Variants in KDR observed in about 807,000 individuals in gnomAD.
The protein encoded by KDR is vascular endothelial growth factor receptor 2.
In KDR, 43 loss-of-function variants were observed where a neutral mutation model predicts 160.9. The ratio of observed to expected loss-of-function variants is 0.27; its 90% confidence interval spans 0.21 to 0.34. The LOEUF (loss-of-function observed/expected upper bound fraction) is 0.34. Ranked by LOEUF, KDR falls within the 10% of genes least tolerant of loss-of-function variation. The pLI, the probability that KDR is intolerant of heterozygous loss-of-function variation, is 1.00. For missense variants in KDR, 1,469 were observed against 1,666.4 expected (o/e 0.88, Z 2.06); for synonymous variants, 617 against 600.1 (o/e 1.03, Z -0.41).
rs1189905303 is a variant in KDR at position 55,107,804 on chromosome 4, C to T, written c.1345G>A (p.Ala449Thr). 6.2e-7 allele frequency: 1 copy of T among 1,613,926 alleles called. No homozygotes were observed. Among genetic ancestry groups the T allele is most frequent in the East Asian group, 2.2e-5 (1 of 44,866 alleles). The stretch of plus-strand genomic sequence containing the variant: ...TGGATGTGATGCGGGGGAGGAATGG[C>T]ATAGACCGTACATGTCAGCGTTTGA... ...TTQTLTCTVY[A>T]IPPPHHIHWY... The change falls in exon 10 of 30, where the codon GCC becomes ACC. Residue 449 changes from alanine to threonine, a missense_variant. By Grantham distance (58) the Ala-to-Thr change is moderately conservative (BLOSUM62 0). This residue lies in a region of KDR where 792 missense variants were observed against 840.9 expected (regional missense o/e 0.94). Coordinates refer to ENST00000263923, the MANE Select transcript of KDR (RefSeq NM_002253.4).
chr4:55,085,721 A>G (rs1038621130), intron 27 of KDR, among the ~76,000 whole-genome samples: 2 of 152,262 alleles, frequency 1.3e-5, no homozygotes, highest in African/African-American at 4.8e-5. Context: ...ATGGCTGGAT[A>G]AAAGAGAAAC....
intron 10 of KDR, among the ~76,000 whole-genome samples, 166 bp from the exon 11 acceptor site, chr4:55,106,976 TG>T (rs1471254236): frequency 1.3e-5 from 2 of 152,138 alleles, no homozygotes; most frequent in Non-Finnish European, 2.9e-5. Flanking sequence ...GCATTGACAA[TG>T]AAGGAAAAGG....
rs1720862949 is a variant in KDR at position 55,121,116 on chromosome 4, T to C, written c.142A>G (p.Thr48Ala). 6.2e-7 allele frequency: 1 copy of C among 1,612,110 alleles called. No homozygotes were observed. Among genetic ancestry groups the C allele is most frequent in the South Asian group, 1.1e-5 (1 of 90,982 alleles). ...KDILTIKANT[T>A]LQITCRGQRD... ...CCTTACCTGCAAGTAATTTGAAGAG[T>C]TGTATTAGCCTTAATTGTAAGTATG... is the stretch of plus-strand genomic sequence containing the variant. Residue 48 changes from threonine to alanine, a missense_variant, in exon 2 of 30, where the codon ACT (threonine) becomes GCT (alanine). Physicochemically the swap from Thr to Ala is moderately conservative, Grantham distance 58 (BLOSUM62 0). Transcript: ENST00000263923.
chr4:55,107,822 G>C lies in KDR; in HGVS notation c.1327C>G (p.Leu443Val), dbSNP rs773497898. Reference sequence around the variant, plus strand: ...GGAATGGCATAGACCGTACATGTCAGCGTTTGAGTGGTGCCGTACTGGTAG... The same window carrying C: ...GGAATGGCATAGACCGTACATGTCACCGTTTGAGTGGTGCCGTACTGGTAG... ...DSYQYGTTQT[L>V]TCTVYAIPPP... is the part of the protein sequence containing the mutation. Residue 443 changes from leucine (L) to valine (V), a missense_variant, in exon 10 of 30, where the codon CTG becomes GTG. This residue lies in a region of KDR where 792 missense variants were observed against 840.9 expected (regional missense o/e 0.94). Coordinates refer to ENST00000263923, the MANE Select transcript of KDR (RefSeq NM_002253.4). 1 of 1,613,932 alleles carries C rather than the reference G, an allele frequency of 6.2e-7. No homozygotes were observed.
Position 55,098,803 on chromosome 4 carries a change from C to A in KDR, c.2267G>T (p.Gly756Val), listed in dbSNP as rs1354404230. Residue 756 changes from glycine (G) to valine (V), a missense_variant and splice_region_variant, in exon 16 of 30, where the codon GGT (glycine) becomes GTT (valine). Transcript: ENST00000263923. ...TTCCAAGTTCGTCTTTTCCTGGGCA[C>A]CTGGAAAGACACAATTGAATGAGTA... ...AKVEAFFIIEGAQEKTNLEII... is the reference protein window; with the variant it reads ...AKVEAFFIIEVAQEKTNLEII... 1 of 1,604,612 alleles carries A rather than the reference C, an allele frequency of 6.2e-7. No individual in the cohort carries two copies.
chr4:55,096,818 G>C (rs533239528), intron 18 of KDR: 1 of 202,234 alleles, frequency 4.9e-6, no homozygotes, highest in Non-Finnish European at 1.0e-5. Context: ...CAGCTGGAAA[G>C]ACCAGTTGGC....
chr4:55,106,573 C>G (rs944852953), intron 11 of KDR, 114 bp downstream of exon 11: 9 of 832,902 alleles, frequency 1.1e-5, no homozygotes, highest in Non-Finnish European at 1.8e-5. Flanking sequence ...TTAATACGCT[C>G]TATTTAATCA....
Position 55,114,274 on chromosome 4 carries a change from A to G in KDR, c.659-9T>C. 1.2e-6 allele frequency: 2 copies of G among 1,613,452 alleles called. No homozygotes were observed. Among genetic ancestry groups the G allele is most frequent in the Non-Finnish European group, 1.7e-6 (2 of 1,179,604 alleles). ...ATCATAAATCCTATACCCTAGAGCA[A>G]GTAAATTGAAAAAACAGAACATGAG... On this transcript the variant is annotated splice_polypyrimidine_tract_variant and intron_variant, in intron 5 of 29. Transcript: ENST00000263923.
At chr4:55,111,211 T>A (rs1348632908) in intron 7 of KDR, among the ~76,000 whole-genome samples, 1 of 152,174 alleles carries the variant, frequency 6.6e-6, no homozygotes, top group Non-Finnish European at 1.5e-5. Flanking sequence ...ATCATTCACG[T>A]ACCTCCTAAA....
intron 11 of KDR, 118 bp from the exon 12 acceptor site, chr4:55,106,058 G>T: frequency 1.3e-6 from 1 of 773,076 alleles, no homozygotes; most frequent in Non-Finnish European, 2.4e-6. Flanking sequence ...CACTTCTGCA[G>T]CGGTTGGACA....
chr4:55,123,835 A>G (rs776523068), intron 1 of KDR, among the ~76,000 whole-genome samples: 2 of 152,232 alleles, frequency 1.3e-5, no homozygotes, highest in African/African-American at 2.4e-5. Flanking sequence ...CTAGAATTTG[A>G]TGGCACCAAT....
chr4:55,082,692 T>C (rs1719767538), intron 27 of KDR, 57 bp from the exon 28 acceptor site: 2 of 1,298,626 alleles, frequency 1.5e-6, no homozygotes, highest in Non-Finnish European at 2.2e-6. Flanking sequence ...GCAGATCGGC[T>C]ACCTAAGTTC....
At chr4:55,118,228 A>C (rs1416892721) in intron 3 of KDR, among the ~76,000 whole-genome samples, 1 of 152,224 alleles carries the variant, frequency 6.6e-6, no homozygotes, top group Non-Finnish European at 1.5e-5. Flanking sequence ...ACTCTGCTGT[A>C]GATAACTTAT....
chr4:55,098,938 A>G (rs374218425), intron 15 of KDR, 135 bp from the exon 16 acceptor site: 4 of 581,642 alleles, frequency 6.9e-6, no homozygotes, highest in African/African-American at 1.9e-5. Flanking sequence ...ACAGTTACAC[A>G]CCCGTAACTT....
At chr4:55,107,666 G>C (rs2110025173) in intron 10 of KDR, 71 bp downstream of exon 10, 2 of 1,595,200 alleles carry the variant, frequency 1.3e-6, no homozygotes, top group South Asian at 1.1e-5. Context: ...ATTTAGGATG[G>C]AGTCATATCA....
At chr4:55,122,196 TCACCATGGGTCACTCTACAG>T in intron 1 of KDR, among the ~76,000 whole-genome samples, 1 of 152,300 alleles carries the variant, frequency 6.6e-6, no homozygotes. Flanking sequence ...CATAGATTCC[TCACCATGGGTCACTCTACAG>T]CAAGATAACT....
chr4:55,107,746 T>A lies in KDR; in HGVS notation c.1403A>T (p.Asn468Ile). The A allele has an allele frequency of 3.1e-6, 5 of 1,613,908 alleles. No individual in the cohort carries two copies. The highest frequency in any genetic ancestry group is 4.2e-6 in the Non-Finnish European group (5 of 1,179,860). ...WYWQLEEECA[N>I]EPSQAVSVTN... ...ATGTGGCCTTACTCACCTGGGCTCG[T>A]TGGCGCACTCTTCCTCCAACTGCCA... Residue 468 changes from asparagine (N) to isoleucine (I), a missense_variant, in exon 10 of 30, where the codon AAC becomes ATC. Around this residue, in one of 7 missense-constraint regions of KDR, gnomAD observed 792 missense variants for 840.9 expected, o/e 0.94. Coordinates refer to ENST00000263923, the MANE Select transcript of KDR (RefSeq NM_002253.4).
intron 1 of KDR, among the ~76,000 whole-genome samples, chr4:55,121,797 C>T (rs1261236797): frequency 6.6e-6 from 1 of 152,146 alleles, no homozygotes; most frequent in Non-Finnish European, 1.5e-5. Flanking sequence ...AAACATTCCC[C>T]AATTCCACAC....
intron 3 of KDR, 152 bp from the exon 4 acceptor site, chr4:55,115,563 A>T (rs1720714755): frequency 1.6e-6 from 1 of 624,622 alleles, no homozygotes; most frequent in African/African-American, 1.8e-5. Flanking sequence ...CTGCTGATAG[A>T]TATCTGTGCT....
Sources: allele counts gnomAD v4.1 joint callset (sites outside exome capture counted in the v4.1 genomes callset), GRCh38; gene constraint gnomAD v4.1.1; regional missense constraint gnomAD v4.1.1; transcripts MANE v1.5; gene names NCBI Gene and HGNC (gene_info 2026-07-23, HGNC 2026-07-21).